BEND2: variants seen among roughly 807,000 people sequenced by gnomAD.
BEND2 encodes BEN domain-containing protein 2.
A neutral mutation model predicts 43.8 loss-of-function variants in BEND2; 19 were observed. The ratio of observed to expected loss-of-function variants is 0.43; its 90% confidence interval spans 0.30 to 0.64. BEND2 has a LOEUF of 0.64. BEND2 is among the 30% of genes least tolerant of loss of function. The pLI, the probability that BEND2 is intolerant of heterozygous loss-of-function variation, is 0.11. For missense variants in BEND2, 544 were observed against 574.0 expected (o/e 0.95, Z 0.53); for synonymous variants, 226 against 210.1 (o/e 1.08, Z -0.66).
chrX:18,220,450 A>T (rs1419142570), intron 1 of BEND2, among the ~76,000 whole-genome samples: 1 of 111,393 alleles, frequency 9.0e-6, no homozygotes, highest in Non-Finnish European at 1.9e-5. Context: ...CGGAGACGCC[A>T]TGAGCCTCAG....
chrX:18,219,633 G>T (rs1011062706), intron 1 of BEND2, among the ~76,000 whole-genome samples: 1 of 112,580 alleles, frequency 8.9e-6, no homozygotes, highest in Non-Finnish European at 1.9e-5. Context: ...TCACCCAGTG[G>T]GGTGGTTCAC....
chrX:18,182,233 G>A (rs1924408529), intron 8 of BEND2, among the ~76,000 whole-genome samples: 1 of 110,667 alleles, frequency 9.0e-6, no homozygotes. Flanking sequence ...CTTCTCATGA[G>A]ATCTGATGGT....
At chrX:18,208,843 A>G (rs1487288178) in intron 4 of BEND2, among the ~76,000 whole-genome samples, 1 of 111,553 alleles carries the variant, frequency 9.0e-6, no homozygotes, top group Non-Finnish European at 1.9e-5. Flanking sequence ...GTCCACTGAG[A>G]AGGCCTAGGA....
chrX:18,212,508 C>T, intron 4 of BEND2, 57 bp downstream of exon 4: 1 of 847,463 alleles, frequency 1.2e-6, no homozygotes, highest in African/African-American at 2.0e-5. Context: ...AGAAATACAG[C>T]AGAATGAAAA....
At chrX:18,190,386 A>G (rs1924725905) in intron 8 of BEND2, among the ~76,000 whole-genome samples, 1 of 111,815 alleles carries the variant, frequency 8.9e-6, no homozygotes, top group Non-Finnish European at 1.9e-5. Flanking sequence ...ACTCAGCAAT[A>G]AACAGGAAGG....
In BEND2 at chrX:18,220,816, G is replaced by A. The variant is rs772830922; in HGVS notation, c.-66C>T. The A allele has an allele frequency of 1.7e-5, 19 of 1,109,214 alleles. No homozygotes were observed. In the East Asian group the frequency reaches 5.2e-4, roughly 30 times the overall value. The allele number at this position is 1,109,214 out of a possible 1,213,427, so 91.4% of individuals were successfully genotyped here. On this transcript the variant is annotated 5_prime_UTR_variant, in exon 1 of 14. Transcript: ENST00000380033. ...GGCCCGAGACCTGAGGCCTACGTCT[G>A]CGCCGCGGCTCTGAGGTAACTGCTT...
intron 7 of BEND2, among the ~76,000 whole-genome samples, chrX:18,191,406 A>T (rs1224244607): frequency 1.8e-5 from 2 of 111,857 alleles, no homozygotes; most frequent in Non-Finnish European, 3.8e-5. Context: ...TAGGTCACTC[A>T]CATGTTGCTG....
intron 8 of BEND2, among the ~76,000 whole-genome samples, chrX:18,190,766 T>TCACACA (rs1300015009): frequency 0.032 from 2,939 of 92,906 alleles, 107 homozygotes; most frequent in African/African-American, 0.11. Flanking sequence ...TCTCTCTCTC[T>TCACACA]CACACACACA....
chrX:18,186,625 T>C (rs888854965), intron 8 of BEND2, among the ~76,000 whole-genome samples: 1 of 110,494 alleles, frequency 9.1e-6, no homozygotes, highest in African/African-American at 3.3e-5. Flanking sequence ...TAATGGGTTA[T>C]AAGACAGTAT....
At chrX:18,203,939 T>C (rs1160561370) in intron 4 of BEND2, 24 bp from the exon 5 acceptor site, 3 of 1,131,314 alleles carry the variant, frequency 2.7e-6, no homozygotes, top group South Asian at 4.6e-5. Flanking sequence ...GAGAACAGAA[T>C]GAGTAAAGTT....
chrX:18,208,443 G>A (rs913792131), intron 4 of BEND2, among the ~76,000 whole-genome samples: 2 of 109,194 alleles, frequency 1.8e-5, no homozygotes, highest in Non-Finnish European at 3.8e-5. Context: ...CCAAGATTGC[G>A]CCACTGCACT....
intron 9 of BEND2, among the ~76,000 whole-genome samples, chrX:18,179,015 G>A (rs1401813416): frequency 9.1e-6 from 1 of 110,064 alleles, no homozygotes; most frequent in Non-Finnish European, 1.9e-5. Flanking sequence ...AAATTTTTAT[G>A]TAATTTTTAT....
chrX:18,198,170 A>T (rs1925021587), intron 6 of BEND2, among the ~76,000 whole-genome samples: 1 of 111,122 alleles, frequency 9.0e-6, no homozygotes, highest in Non-Finnish European at 1.9e-5. Context: ...AAACACCAAA[A>T]GCAATGGCAA....
chrX:18,190,049 C>CA (rs368542136), intron 8 of BEND2, among the ~76,000 whole-genome samples: 312 of 85,011 alleles, frequency 3.7e-3, no homozygotes, highest in East Asian at 0.02. Context: ...GACTCTATCT[C>CA]AAAAAAAAAA....
At chrX:18,182,918 T>C (rs1924437624) in intron 8 of BEND2, among the ~76,000 whole-genome samples, 1 of 109,060 alleles carries the variant, frequency 9.2e-6, no homozygotes, top group Admixed American at 9.8e-5. Context: ...AGTACACGCC[T>C]ATAGTTCCAG....
intron 6 of BEND2, among the ~76,000 whole-genome samples, chrX:18,197,264 G>A (rs191718603): frequency 1.0e-4 from 11 of 110,465 alleles, no homozygotes; most frequent in African/African-American, 2.6e-4. Context: ...GTGAAACCCC[G>A]TCCCTACTAA....
In BEND2 at chrX:18,163,975, C is replaced by T. The variant is rs1923756983; in HGVS notation, c.*1034G>A. On this transcript the variant is annotated 3_prime_UTR_variant, in exon 14 of 14. Coordinates refer to ENST00000380033, the MANE Select transcript of BEND2 (RefSeq NM_153346.5). ...ATAATGGAAGTTAAAGCCTTTTTGC[C>T]CTTTATGGAAGATTTTTTTTTATGC... The T allele has an allele frequency of 9.0e-6, 1 of 110,962 alleles. No individual in the cohort carries two copies. The highest frequency in any genetic ancestry group is 3.3e-5 in the African/African-American group (1 of 30,575). 9.1% of individuals were successfully genotyped at this position (110,962 alleles called of 1,213,427 possible).
intron 3 of BEND2, among the ~76,000 whole-genome samples, chrX:18,213,481 T>C (rs1234477011): frequency 8.9e-6 from 1 of 111,906 alleles, no homozygotes; most frequent in Non-Finnish European, 1.9e-5. Context: ...TCTTTCCTGT[T>C]TCCTTTCATT....
At chrX:18,194,046 A>G (rs1251048423) in intron 7 of BEND2, among the ~76,000 whole-genome samples, 2 of 111,879 alleles carry the variant, frequency 1.8e-5, no homozygotes, top group Admixed American at 1.9e-4. Flanking sequence ...AAAAATGGCT[A>G]TACGAAAACC....
Sources: gnomAD v4.1 joint callset for allele counts (sites outside exome capture counted in the v4.1 genomes callset) on GRCh38, gnomAD v4.1.1 for gene constraint, MANE v1.5 for transcripts, NCBI Gene and HGNC (gene_info 2026-07-23, HGNC 2026-07-21) for gene names.